The following AK9 variants were observed in gnomAD, a reference collection of about 807,000 sequenced individuals.
AK9 encodes the protein adenylate kinase 9.
A neutral mutation model predicts 239.6 loss-of-function variants in AK9; 191 were observed. That is an observed-to-expected ratio of 0.80 (90% CI 0.71 to 0.90). The LOEUF (loss-of-function observed/expected upper bound fraction) is 0.90. AK9 is among the 40% of genes least tolerant of loss of function. AK9 has a pLI of 0.00. For missense variants in AK9, 1,995 were observed against 2,214.7 expected, an observed-to-expected ratio of 0.90 and a Z score of 1.99; for synonymous variants, 689 against 721.0, an observed-to-expected ratio of 0.96 and a Z score of 0.71.
chr6:109,514,256 A>G lies in AK9; in HGVS notation c.4247T>C (p.Ile1416Thr), dbSNP rs1779043114. 1.3e-6 allele frequency: 2 copies of G among 1,551,718 alleles called. No homozygotes were observed. The highest frequency in any genetic ancestry group is 2.4e-5 in the East Asian group (1 of 40,922). ...PKPTVPIRIIIVGPPKSGKTT... is the reference protein window; with the variant it reads ...PKPTVPIRIITVGPPKSGKTT... Reference sequence around the variant, plus strand: ...TTTCCCAGATTTTGGAGGCCCCACAATTATAATCCTAATGGGCACAGTAGG... The same window carrying G: ...TTTCCCAGATTTTGGAGGCCCCACAGTTATAATCCTAATGGGCACAGTAGG... Residue 1416 changes from isoleucine to threonine, a missense_variant, in exon 32 of 41, where the codon ATT (isoleucine) becomes ACT (threonine). Ile to Thr is a moderately conservative substitution (Grantham distance 89). Coordinates refer to ENST00000424296, the MANE Select transcript of AK9 (RefSeq NM_001145128.3).
intron 20 of AK9, 24 bp downstream of exon 20, chr6:109,579,526 T>C (rs371187620): frequency 1.7e-5 from 26 of 1,540,680 alleles, no homozygotes; most frequent in Non-Finnish European, 1.9e-5. Context: ...TGACACATCA[T>C]CAGTCATAGC....
chr6:109,497,666 C>G lies in AK9; in HGVS notation c.5217-103G>C, dbSNP rs932629208. 5 of 1,349,050 alleles carry G rather than the reference C, an allele frequency of 3.7e-6. No homozygotes were observed. The Admixed American group carries it at 9.0e-5, about 24-fold the overall frequency. 83.6% of individuals were successfully genotyped at this position (1,349,050 alleles called of 1,614,324 possible). ...ATTTTATTTTTCTACCTATGTAGCT[C>G]AAGGAAGAAATAGAATATTTTTCCA... On this transcript the variant is annotated intron_variant, in intron 37 of 40. Transcript: ENST00000424296.
chr6:109,590,102 C>T (rs543145833), intron 17 of AK9, among the ~76,000 whole-genome samples: 5 of 152,218 alleles, frequency 3.3e-5, no homozygotes, highest in South Asian at 2.1e-4. Flanking sequence ...GGAGGATTCA[C>T]TCCTCCTTGA....
In AK9 at chr6:109,504,908, T is replaced by G. The variant is rs118069175; in HGVS notation, c.4849+1419A>C. The stretch of plus-strand genomic sequence containing the variant: ...AAACTTCTGCACGTGACTTTTCATC[T>G]TGAGTCTGTTTCTAGGGAACCCAGT... On this transcript the variant is annotated intron_variant, in intron 35 of 40. Transcript: ENST00000424296. Among the ~76,000 whole-genome samples, 1,450 of 152,338 alleles carry G rather than the reference T, an allele frequency of 9.5e-3. 13 individuals carry two copies. Among genetic ancestry groups the G allele is most frequent in the Middle Eastern group, 0.037 (11 of 294 alleles).
chr6:109,545,756 T>C (rs1236633720), intron 26 of AK9, 111 bp downstream of exon 26: 1 of 1,337,036 alleles, frequency 7.5e-7, no homozygotes, highest in Non-Finnish European at 1.0e-6. Flanking sequence ...TGAGCTGTGA[T>C]TGTGCCACTG....
In AK9 at chr6:109,610,478, C is replaced by G; in HGVS notation, c.1729G>C (p.Asp577His). The change falls in exon 17 of 41, where the codon GAT becomes CAT. Residue 577 changes from aspartate (D) to histidine (H), a missense_variant. This residue lies in a region of AK9 where 1,290 missense variants were observed against 1,392.7 expected (regional missense o/e 0.93). Transcript: ENST00000424296. ...TEDLIEEVTADHPEVVTMIEE... is the reference protein window; with the variant it reads ...TEDLIEEVTAHHPEVVTMIEE... Reference sequence around the variant, plus strand: ...ATCATGGTCACAACCTCTGGATGATCTGCAGTTACCTCTTCTATCAAGTCT... The same window carrying G: ...ATCATGGTCACAACCTCTGGATGATGTGCAGTTACCTCTTCTATCAAGTCT... The G allele has an allele frequency of 6.4e-7, 1 of 1,551,300 alleles. No individual in the cohort carries two copies. Among genetic ancestry groups the G allele is most frequent in the Non-Finnish European group, 8.7e-7 (1 of 1,146,814 alleles).
At chr6:109,552,374 C>A (rs1379713449) in intron 24 of AK9, among the ~76,000 whole-genome samples, 1 of 152,160 alleles carries the variant, frequency 6.6e-6, no homozygotes, top group East Asian at 1.9e-4. Context: ...TCTGTCATTT[C>A]CTGACTTTTT....
chr6:109,626,642 C>T (rs1795557182), intron 12 of AK9, among the ~76,000 whole-genome samples: 1 of 152,228 alleles, frequency 6.6e-6, no homozygotes, highest in Non-Finnish European at 1.5e-5. Flanking sequence ...TGCTCCTAGG[C>T]TACAAACCTG....
intron 20 of AK9, among the ~76,000 whole-genome samples, chr6:109,575,945 T>C (rs1788016203): frequency 6.6e-6 from 1 of 152,032 alleles, no homozygotes; most frequent in South Asian, 2.1e-4. Flanking sequence ...ATGTTTTGTT[T>C]GTTTGTTTTT....
chr6:109,643,101 G>T (rs2128289898), intron 9 of AK9, among the ~76,000 whole-genome samples: 1 of 152,172 alleles, frequency 6.6e-6, no homozygotes, highest in East Asian at 1.9e-4. Flanking sequence ...TGTGGTGTGG[G>T]GTCCAAGAAG....
chr6:109,539,564 C>T (rs1343045963), intron 27 of AK9, among the ~76,000 whole-genome samples: 6 of 152,138 alleles, frequency 3.9e-5, no homozygotes, highest in South Asian at 2.1e-4. Context: ...TCCTTTAGCT[C>T]GGAGAAGTTT....
chr6:109,632,729 AAAC>A, intron 12 of AK9, 191 bp downstream of exon 12: 1 of 1,260,404 alleles, frequency 7.9e-7, no homozygotes, highest in Non-Finnish European at 1.0e-6. Flanking sequence ...AAGCAGCAAT[AAAC>A]AACAAAAAGA....
chr6:109,629,954 A>G (rs1795949460), intron 12 of AK9, among the ~76,000 whole-genome samples: 1 of 152,188 alleles, frequency 6.6e-6, no homozygotes, highest in Non-Finnish European at 1.5e-5. Flanking sequence ...ATGTTTGCAC[A>G]TTAAAAACCA....
At chr6:109,501,754 C>T (rs960752333) in intron 35 of AK9, among the ~76,000 whole-genome samples, 6 of 152,196 alleles carry the variant, frequency 3.9e-5, no homozygotes, top group Admixed American at 1.3e-4. Context: ...ACTTCTGAGT[C>T]CCAGAAGAAA....
Position 109,526,163 on chromosome 6 carries a change from A to G in AK9, c.3633+2848T>C, listed in dbSNP as rs1582840914. Among the ~76,000 whole-genome samples, 3 of 152,262 alleles carry G rather than the reference A, an allele frequency of 2.0e-5. No individual in the cohort carries two copies. In the East Asian group the frequency reaches 5.8e-4, roughly 29 times the overall value. ...AGAGGGTAGGAGGAGAGTGAGGGTC[A>G]AAACACTACCTATTGAGTACTATGC... On this transcript the variant is annotated intron_variant, in intron 29 of 40. Transcript: ENST00000424296.
rs755416972 is a variant in AK9, at chr6:109,633,305, G to C, written c.952C>G (p.Leu318Val). The stretch of plus-strand genomic sequence containing the variant: ...GGTGCAATAAGTTTATAAGATGCAA[G>C]AGTACGAAATAGCTCATCCTGTGAA... ...TMENDELFRTLASYKLIAPRY... is the reference protein window; with the variant it reads ...TMENDELFRTVASYKLIAPRY... The change falls in exon 11 of 41, where the codon CTT becomes GTT. Residue 318 changes from leucine (L) to valine (V), a missense_variant. Physicochemically the swap from Leu to Val is conservative, Grantham distance 32. Transcript: ENST00000424296. 2.4e-5 allele frequency: 39 copies of C among 1,602,518 alleles called. 1 individual carries two copies. In the South Asian group the frequency reaches 4.2e-4, roughly 17 times the overall value.
chr6:109,665,942 C>T (rs1231786904), intron 5 of AK9, among the ~76,000 whole-genome samples: 1 of 152,232 alleles, frequency 6.6e-6, no homozygotes, highest in African/African-American at 2.4e-5. Context: ...GAGAGCTTGT[C>T]AGGCATTCCA....
chr6:109,641,824 A>G (rs1249932293), intron 9 of AK9, among the ~76,000 whole-genome samples: 3 of 152,150 alleles, frequency 2.0e-5, no homozygotes, highest in African/African-American at 7.2e-5. Flanking sequence ...TTGTCACAGA[A>G]ACATCTTCTC....
chr6:109,567,139 G>A (rs1786657283), intron 21 of AK9, among the ~76,000 whole-genome samples: 1 of 152,098 alleles, frequency 6.6e-6, no homozygotes, highest in African/African-American at 2.4e-5. Flanking sequence ...ATGAATCCAG[G>A]ACCTGGTTTT....
Sources: gnomAD v4.1 joint callset for allele counts (sites outside exome capture counted in the v4.1 genomes callset) on GRCh38, gnomAD v4.1.1 for gene constraint, gnomAD v4.1.1 regional missense constraint, MANE v1.5 for transcripts, NCBI Gene and HGNC (gene_info 2026-07-23, HGNC 2026-07-21) for gene names.